The following CCDC178 variants were observed in gnomAD, a reference collection of about 807,000 sequenced individuals.
CCDC178 encodes coiled-coil domain containing 178.
Under a neutral mutation model 117.4 loss-of-function variants are expected in CCDC178, and 126 were observed. The observed-to-expected ratio is 1.07, with a 90% confidence interval of 0.93 to 1.24. The LOEUF is 1.24. Ranked by LOEUF, CCDC178 falls within the 50% of genes most tolerant of loss-of-function variation. The pLI, the probability that CCDC178 is intolerant of heterozygous loss-of-function variation, is 0.00. For synonymous variants in CCDC178, 283 were observed against 313.4 expected, an observed-to-expected ratio of 0.90 and a Z score of 1.02; for missense variants, 1,030 against 986.9, an observed-to-expected ratio of 1.04 and a Z score of -0.59.
chr18:33,205,660 A>C (rs2059037501), intron 20 of CCDC178, among the ~76,000 whole-genome samples: 1 of 152,204 alleles, frequency 6.6e-6, no homozygotes, highest in South Asian at 2.1e-4. Context: ...ATTTGCTCAG[A>C]AATTCTCTAT....
chr18:32,944,746 T>C (rs1225803756), intron 22 of CCDC178, among the ~76,000 whole-genome samples: 1 of 152,224 alleles, frequency 6.6e-6, no homozygotes, highest in African/African-American at 2.4e-5. Context: ...CCATGTGTTG[T>C]GGGAGGGACC....
At chr18:33,079,392 A>G (rs1326054252) in intron 21 of CCDC178, among the ~76,000 whole-genome samples, 61 of 152,210 alleles carry the variant, frequency 4.0e-4, no homozygotes, top group Non-Finnish European at 1.5e-5. Flanking sequence ...TGAAGACACC[A>G]AAAACAATCA....
intron 20 of CCDC178, among the ~76,000 whole-genome samples, chr18:33,106,442 C>T (rs1023284550): frequency 3.3e-5 from 5 of 151,658 alleles, no homozygotes; most frequent in Admixed American, 6.6e-5. Flanking sequence ...AGCCTTTATA[C>T]GGAAACCTGT....
At chr18:33,138,882 G>C (rs1304423511) in intron 20 of CCDC178, among the ~76,000 whole-genome samples, 1 of 152,144 alleles carries the variant, frequency 6.6e-6, no homozygotes, top group Non-Finnish European at 1.5e-5. Flanking sequence ...TTCAATAGGA[G>C]ATACTGAAAA....
At chr18:33,143,205 AAT>A (rs1423951602) in intron 20 of CCDC178, among the ~76,000 whole-genome samples, 1 of 152,178 alleles carries the variant, frequency 6.6e-6, no homozygotes, top group Admixed American at 6.5e-5. Context: ...CATCACAAAT[AAT>A]ATGTTTTAAT....
At chr18:33,414,204 G>A (rs193254422) in intron 2 of CCDC178, among the ~76,000 whole-genome samples, 1 of 152,142 alleles carries the variant, frequency 6.6e-6, no homozygotes, top group East Asian at 1.9e-4. Context: ...TTGTCGATTT[G>A]AAAAGCAGCC....
intron 21 of CCDC178, among the ~76,000 whole-genome samples, chr18:33,028,726 T>C (rs2056276846): frequency 6.6e-6 from 1 of 151,836 alleles, no homozygotes; most frequent in Admixed American, 6.6e-5. Flanking sequence ...TATTTTTTAA[T>C]TATAAAGCAG....
At chr18:33,110,057 G>A (rs987725075) in intron 20 of CCDC178, among the ~76,000 whole-genome samples, 5 of 151,526 alleles carry the variant, frequency 3.3e-5, no homozygotes, top group African/African-American at 1.2e-4. Flanking sequence ...GAGAGTTCCT[G>A]TTGCTTTACA....
chr18:33,375,656 T>A (rs893299545), intron 5 of CCDC178, among the ~76,000 whole-genome samples: 9 of 152,166 alleles, frequency 5.9e-5, no homozygotes, highest in African/African-American at 2.2e-4. Flanking sequence ...ATTTGTATGA[T>A]CAGACATAGA....
rs140520507 is a variant in CCDC178, at chr18:32,967,785, A to G, written c.2523+6762T>C. ...TTGTTTTGTTTTTAAATTTTATTTG[A>G]ATGGAATCATATAGAATGTTCTTTT... On this transcript the variant is annotated intron_variant, in intron 22 of 22. Coordinates refer to ENST00000383096, the MANE Select transcript of CCDC178 (RefSeq NM_001105528.4). 2.3e-3 allele frequency among the ~76,000 whole-genome samples: 354 copies of G among 151,142 alleles called. 1 individual carries two copies. Among genetic ancestry groups the G allele is most frequent in the African/African-American group, 7.2e-3 (299 of 41,338 alleles).
chr18:33,193,090 T>G (rs2058881247), intron 20 of CCDC178, among the ~76,000 whole-genome samples: 1 of 148,670 alleles, frequency 6.7e-6, no homozygotes, highest in South Asian at 2.1e-4. Flanking sequence ...AAACCCCGTC[T>G]CTACTAAACA....
intron 2 of CCDC178, among the ~76,000 whole-genome samples, chr18:33,430,917 A>T (rs1208376669): frequency 1.3e-5 from 2 of 150,594 alleles, no homozygotes; most frequent in Non-Finnish European, 3.0e-5. Context: ...CTAAAAACAC[A>T]CAAAAAAATT....
intron 11 of CCDC178, among the ~76,000 whole-genome samples, chr18:33,307,246 C>A (rs975558634): frequency 1.3e-5 from 2 of 152,164 alleles, no homozygotes; most frequent in Non-Finnish European, 2.9e-5. Flanking sequence ...GAACTTCCTA[C>A]AGGCTTGTTG....
chr18:33,343,416 G>T (rs1377887131), intron 9 of CCDC178, among the ~76,000 whole-genome samples: 1 of 152,150 alleles, frequency 6.6e-6, no homozygotes, highest in Non-Finnish European at 1.5e-5. Flanking sequence ...AAAAGCATTT[G>T]CTAGTTAATT....
chr18:33,169,360 GA>G (rs995014170), intron 20 of CCDC178, among the ~76,000 whole-genome samples: 21 of 152,090 alleles, frequency 1.4e-4, no homozygotes, highest in African/African-American at 4.3e-4. Flanking sequence ...TTTGATAATA[GA>G]AAAATTTGGC....
chr18:33,178,018 T>C (rs1435140491), intron 20 of CCDC178, among the ~76,000 whole-genome samples: 1 of 152,090 alleles, frequency 6.6e-6, no homozygotes, highest in Admixed American at 6.6e-5. Flanking sequence ...TCAGTGGACT[T>C]TTTTTTGATA....
In CCDC178 at chr18:33,411,972, T is replaced by C. The variant is rs1599287976; in HGVS notation, c.58+59A>G. 9.9e-6 allele frequency: 9 copies of C among 907,542 alleles called. No homozygotes were observed. The East Asian group carries it at 2.4e-4, about 24-fold the overall frequency. The allele number at this position is 907,542 out of a possible 1,614,324, so 56.2% of individuals were successfully genotyped here. ...TGCAGTTGCCCTCCTCTGTAAGTGA[T>C]GTGAATTCCATTTATCTATGAACTA... On this transcript the variant is annotated intron_variant, in intron 3 of 22. Transcript: ENST00000383096.
intron 20 of CCDC178, among the ~76,000 whole-genome samples, chr18:33,179,330 T>A (rs574296101): frequency 1.2e-3 from 174 of 151,196 alleles, no homozygotes; most frequent in Middle Eastern, 3.5e-3. Context: ...GAATTATAGA[T>A]CTGGGTTTAT....
chr18:32,958,849 C>T, intron 22 of CCDC178, among the ~76,000 whole-genome samples: 1 of 152,148 alleles, frequency 6.6e-6, no homozygotes, highest in East Asian at 1.9e-4. Context: ...GAAGTGACCA[C>T]AGGCTGATTT....
Sources: gnomAD v4.1 joint callset for allele counts (sites outside exome capture counted in the v4.1 genomes callset) on GRCh38, gnomAD v4.1.1 for gene constraint, MANE v1.5 for transcripts, NCBI Gene and HGNC (gene_info 2026-07-23, HGNC 2026-07-21) for gene names.